Variants in DPP6 observed in about 807,000 individuals in gnomAD.
DPP6 encodes A-type potassium channel modulatory protein DPP6.
Under a neutral mutation model 122.6 loss-of-function variants are expected in DPP6, and 69 were observed. The ratio of observed to expected loss-of-function variants is 0.56; its 90% CI spans 0.46 to 0.69. The LOEUF (loss-of-function observed/expected upper bound fraction) is 0.69, where lower values mean the gene tolerates loss of function less well. DPP6 is among the 30% of genes least tolerant of loss of function. The probability of loss-of-function intolerance (pLI) is 0.00; values close to 1 mark genes in which losing one functional copy is unlikely to be tolerated. For synonymous variants in DPP6, 418 were observed against 433.1 expected (o/e 0.97, Z 0.43); for missense variants, 928 against 1,116.9 (o/e 0.83, Z 2.41).
intron 1 of DPP6, among the ~76,000 whole-genome samples, chr7:153,977,436 C>A (rs1796365098): frequency 3.3e-5 from 5 of 152,308 alleles, no homozygotes; most frequent in Middle Eastern, 3.4e-3. Context: ...TCTATTATAT[C>A]ACATTTATTA....
At chr7:154,341,422 A>G (rs1272941790) in intron 1 of DPP6, among the ~76,000 whole-genome samples, 1 of 152,108 alleles carries the variant, frequency 6.6e-6, no homozygotes, top group African/African-American at 2.4e-5. Flanking sequence ...TGAAATCTAC[A>G]ATCGCATGTG....
intron 17 of DPP6, among the ~76,000 whole-genome samples, chr7:154,866,679 G>C (rs1803903771): frequency 1.3e-5 from 2 of 152,216 alleles, no homozygotes; most frequent in South Asian, 4.1e-4. Context: ...CGTCAGATTT[G>C]TTAAAACTCT....
At chr7:154,179,927 G>T (rs943560848) in intron 1 of DPP6, among the ~76,000 whole-genome samples, 1 of 152,164 alleles carries the variant, frequency 6.6e-6, no homozygotes, top group East Asian at 1.9e-4. Context: ...AAAAATGACC[G>T]ACAATTCTTG....
chr7:154,465,269 A>T, intron 2 of DPP6, among the ~76,000 whole-genome samples: 1 of 152,238 alleles, frequency 6.6e-6, no homozygotes, highest in East Asian at 1.9e-4. Flanking sequence ...TGAAAATACA[A>T]ATTTTATTAG....
chr7:154,448,023 T>C (rs2151292727), intron 2 of DPP6, among the ~76,000 whole-genome samples: 1 of 152,326 alleles, frequency 6.6e-6, no homozygotes, highest in East Asian at 1.9e-4. Context: ...TAGACAAGGA[T>C]GTTCATTCCC....
chr7:154,385,040 G>A (rs991360094), intron 1 of DPP6, among the ~76,000 whole-genome samples: 5 of 152,094 alleles, frequency 3.3e-5, no homozygotes, highest in African/African-American at 1.2e-4. Context: ...GTGCGATCTC[G>A]GCTCACGGCA....
intron 1 of DPP6, among the ~76,000 whole-genome samples, chr7:154,438,318 A>G (rs2151272866): frequency 6.6e-6 from 1 of 151,838 alleles, no homozygotes; most frequent in Admixed American, 6.6e-5. Context: ...AAATACAAAA[A>G]AATTAGCCGG....
At chr7:153,998,610 C>T (rs1797550232) in intron 1 of DPP6, among the ~76,000 whole-genome samples, 1 of 152,180 alleles carries the variant, frequency 6.6e-6, no homozygotes, top group Admixed American at 6.5e-5. Flanking sequence ...TCAGAGGAAA[C>T]CAACTAAACA....
chr7:154,258,140 G>C (rs538936261), intron 1 of DPP6, among the ~76,000 whole-genome samples: 1,837 of 136,300 alleles, frequency 0.013, 15 homozygotes, highest in Middle Eastern at 0.043. Context: ...CGAGGCGAGG[G>C]GAGGGGAGGC....
chr7:153,766,389 C>T, the DPP6 span, among the ~76,000 whole-genome samples: 7 of 152,114 alleles, frequency 4.6e-5, no homozygotes, highest in Admixed American at 1.3e-4. Flanking sequence ...TAGCCAATAC[C>T]AACGTTCTAT....
At chr7:154,594,986 GT>G (rs2130747809) in intron 5 of DPP6, among the ~76,000 whole-genome samples, 1 of 150,388 alleles carries the variant, frequency 6.6e-6, no homozygotes, top group African/African-American at 2.4e-5. Flanking sequence ...GCCTTTGTGG[GT>G]TTTTTAAACC....
intron 3 of DPP6, among the ~76,000 whole-genome samples, chr7:154,496,707 A>C (rs1824771071): frequency 6.6e-6 from 1 of 152,216 alleles, no homozygotes; most frequent in African/African-American, 2.4e-5. Flanking sequence ...TGTGGAACAA[A>C]GGAGAACAGA....
In DPP6 at chr7:154,028,787, C is replaced by T. The variant is rs187473144; in HGVS notation, c.51+141053C>T. On this transcript the variant is annotated intron_variant, in intron 1 of 25. Coordinates refer to the DPP6 transcript ENST00000404039. ...TGCTATGGCCTTCTCTGTCTCTTCC[C>T]TTGTTAACTCCCTCGTCTGCATCCA... Among the ~76,000 whole-genome samples the T allele has an allele frequency of 7.4e-4, 113 of 152,236 alleles. 1 individual carries two copies. The Middle Eastern group carries it at 0.014, about 18-fold the overall frequency.
intron 1 of DPP6, among the ~76,000 whole-genome samples, chr7:154,078,351 T>TACAC (rs3052965): frequency 0.02 from 3,026 of 149,492 alleles, 77 homozygotes; most frequent in Admixed American, 0.067. Flanking sequence ...AGTGCATATG[T>TACAC]ACACACACAC....
At chr7:153,925,185 A>G (rs1047902971) in intron 1 of DPP6, among the ~76,000 whole-genome samples, 8 of 152,166 alleles carry the variant, frequency 5.3e-5, no homozygotes, top group African/African-American at 1.9e-4. Flanking sequence ...GTCAAGTCTG[A>G]GGTTCTGATG....
intron 13 of DPP6, among the ~76,000 whole-genome samples, chr7:154,802,241 A>G (rs1357009339): frequency 1.3e-5 from 2 of 152,196 alleles, no homozygotes; most frequent in Admixed American, 6.5e-5. Flanking sequence ...CAAATATTCT[A>G]TGGCTATGAC....
intron 1 of DPP6, among the ~76,000 whole-genome samples, chr7:154,087,263 G>T (rs1402341195): frequency 6.6e-6 from 1 of 152,032 alleles, no homozygotes; most frequent in Non-Finnish European, 1.5e-5. Context: ...ATGAAGCTGA[G>T]CAGGTGTCAG....
chr7:154,194,899 A>C (rs1798788485), intron 1 of DPP6, among the ~76,000 whole-genome samples: 1 of 152,224 alleles, frequency 6.6e-6, no homozygotes, highest in South Asian at 2.1e-4. Flanking sequence ...TCCTTTGACA[A>C]ATATATCGTT....
At chr7:154,416,262 C>T (rs1440594781) in intron 1 of DPP6, among the ~76,000 whole-genome samples, 1 of 152,130 alleles carries the variant, frequency 6.6e-6, no homozygotes, top group African/African-American at 2.4e-5. Flanking sequence ...TGGACATCAT[C>T]ATGCCGATGA....
Sources: allele counts gnomAD v4.1 joint callset (sites outside exome capture counted in the v4.1 genomes callset), GRCh38; gene constraint gnomAD v4.1.1; transcripts MANE v1.5; gene names NCBI Gene and HGNC (gene_info 2026-07-23, HGNC 2026-07-21).